Variants in FOXN3 observed in about 807,000 individuals in gnomAD.
FOXN3 encodes forkhead box N3.
FOXN3 carries 7 observed loss-of-function variants against 38.4 expected under a neutral mutation model. The observed-to-expected ratio is 0.18, with a 90% CI of 0.10 to 0.34. The LOEUF is 0.34. Ranked by LOEUF, FOXN3 falls within the 10% of genes least tolerant of loss-of-function variation. The pLI, the probability that FOXN3 is intolerant of heterozygous loss-of-function variation, is 1.00. For missense variants in FOXN3, 456 were observed against 613.4 expected, an observed-to-expected ratio of 0.74 and a Z score of 2.71; for synonymous variants, 230 against 242.2, an observed-to-expected ratio of 0.95 and a Z score of 0.47.
chr14:89,422,846 T>C (rs991767861), intron 1 of FOXN3, among the ~76,000 whole-genome samples: 2 of 152,116 alleles, frequency 1.3e-5, no homozygotes, highest in African/African-American at 4.8e-5. Context: ...GGGTGTGTAG[T>C]AAGGGAAAGT....
chr14:89,291,670 C>T, intron 3 of FOXN3: 2 of 426,580 alleles, frequency 4.7e-6, no homozygotes, highest in Non-Finnish European at 9.1e-6. Context: ...CTTCCTGTGG[C>T]CCTTATTGTG....
chr14:89,187,918 G>A (rs1887849786), intron 4 of FOXN3, among the ~76,000 whole-genome samples: 1 of 152,112 alleles, frequency 6.6e-6, no homozygotes, highest in Non-Finnish European at 1.5e-5. Context: ...CAGGGCTGGC[G>A]GTCAGATGGG....
intron 1 of FOXN3, among the ~76,000 whole-genome samples, chr14:89,505,269 T>G (rs1033052149): frequency 6.7e-6 from 1 of 148,506 alleles, no homozygotes; most frequent in Non-Finnish European, 1.5e-5. Flanking sequence ...CCTCTCCCTC[T>G]CCTTCTCCCT....
intron 2 of FOXN3, among the ~76,000 whole-genome samples, chr14:89,381,204 G>A (rs1178131839): frequency 4.4e-5 from 6 of 136,532 alleles, no homozygotes; most frequent in Admixed American, 2.2e-4. Flanking sequence ...CAGGAGAAAA[G>A]CCTCCTTCTA....
At chr14:89,454,290 TG>T (rs1427194110) in intron 1 of FOXN3, among the ~76,000 whole-genome samples, 15 of 151,754 alleles carry the variant, frequency 9.9e-5, no homozygotes, top group African/African-American at 3.6e-4. Flanking sequence ...GGCAACAGAG[TG>T]AGACTCCGTC....
chr14:89,402,748 G>A lies in FOXN3; in HGVS notation c.543+9186C>T, dbSNP rs79725574. Among the ~76,000 whole-genome samples, 332 of 152,316 alleles carry A rather than the reference G, an allele frequency of 2.2e-3. 7 individuals are homozygous for A. In the East Asian group the frequency reaches 0.024, roughly 11 times the overall value. ...ATGAGAAGACTGAGAATGGAAACCC[G>A]CAATGCCCTAAGAACAGCAGAGAAG... On this transcript the variant is annotated intron_variant, in intron 2 of 5. Transcript: ENST00000557258.
intron 3 of FOXN3, among the ~76,000 whole-genome samples, chr14:89,286,828 C>G (rs756669097): frequency 6.6e-6 from 1 of 152,064 alleles, no homozygotes; most frequent in Admixed American, 6.6e-5. Context: ...TACCACTCAC[C>G]GTTTGAGAAG....
chr14:89,454,975 C>T (rs573612147), intron 1 of FOXN3, among the ~76,000 whole-genome samples: 15 of 152,236 alleles, frequency 9.9e-5, no homozygotes, highest in African/African-American at 3.4e-4. Context: ...CCAGTAATTC[C>T]ATTGGATAAA....
At chr14:89,527,672 A>G (rs1465429012) in intron 1 of FOXN3, among the ~76,000 whole-genome samples, 1 of 151,784 alleles carries the variant, frequency 6.6e-6, no homozygotes, top group African/African-American at 2.4e-5. Flanking sequence ...CTACAATGAG[A>G]TATTACCATT....
At chr14:89,353,132 C>A (rs1889046802) in intron 2 of FOXN3, among the ~76,000 whole-genome samples, 1 of 152,224 alleles carries the variant, frequency 6.6e-6, no homozygotes. Context: ...TGGAGCCACA[C>A]AGACGTTTCC....
intron 1 of FOXN3, among the ~76,000 whole-genome samples, chr14:89,589,662 T>C (rs1895912805): frequency 8.1e-6 from 1 of 123,978 alleles, no homozygotes; most frequent in Non-Finnish European, 1.6e-5. Context: ...GGATGCTTTC[T>C]ACCCTGAAAC....
chr14:89,417,688 G>A (rs1395183456), upstream of FOXN3: 1 of 455,988 alleles, frequency 2.2e-6, no homozygotes. Context: ...ATGCGGGCGA[G>A]GCTTGTGGGG....
At chr14:89,367,353 C>A (rs1254928320) in intron 2 of FOXN3, among the ~76,000 whole-genome samples, 2 of 152,250 alleles carry the variant, frequency 1.3e-5, no homozygotes, top group Non-Finnish European at 2.9e-5. Flanking sequence ...CTAACACCGA[C>A]TGCACCCTGA....
chr14:89,206,696 T>C (rs976316508), intron 4 of FOXN3, among the ~76,000 whole-genome samples: 3 of 152,190 alleles, frequency 2.0e-5, no homozygotes, highest in Non-Finnish European at 4.4e-5. Flanking sequence ...CAGCTAGTGT[T>C]ATACAAGCAA....
chr14:89,210,428 A>G (rs988556423), intron 4 of FOXN3, among the ~76,000 whole-genome samples: 4 of 152,194 alleles, frequency 2.6e-5, no homozygotes, highest in African/African-American at 9.7e-5. Context: ...CCGTAAGCCA[A>G]TTAAACCTCT....
chr14:89,464,955 C>A (rs1213331246), intron 1 of FOXN3, among the ~76,000 whole-genome samples: 2 of 152,164 alleles, frequency 1.3e-5, no homozygotes, highest in Non-Finnish European at 2.9e-5. Flanking sequence ...CTTGGCCACC[C>A]AAAGTGCTGG....
chr14:89,468,722 C>T (rs1893034669), intron 1 of FOXN3, among the ~76,000 whole-genome samples: 1 of 152,096 alleles, frequency 6.6e-6, no homozygotes, highest in African/African-American at 2.4e-5. Context: ...GCCCAGTGTG[C>T]CAGGACGTAT....
At chr14:89,497,879 C>T (rs938470697) in intron 1 of FOXN3, among the ~76,000 whole-genome samples, 1 of 152,030 alleles carries the variant, frequency 6.6e-6, no homozygotes, top group Admixed American at 6.6e-5. Context: ...GTTCCATTTT[C>T]TCCACATCTT....
chr14:89,505,739 G>A (rs1335808548), intron 1 of FOXN3, among the ~76,000 whole-genome samples: 1 of 147,784 alleles, frequency 6.8e-6, no homozygotes, highest in Non-Finnish European at 1.5e-5. Flanking sequence ...GCCGCCCATC[G>A]TCTGGGATGT....
Sources: gnomAD v4.1 joint callset for allele counts (sites outside exome capture counted in the v4.1 genomes callset) on GRCh38, gnomAD v4.1.1 for gene constraint, MANE v1.5 for transcripts, NCBI Gene and HGNC (gene_info 2026-07-23, HGNC 2026-07-21) for gene names.